Variants in OSBPL3 observed in about 807,000 individuals in gnomAD.
OSBPL3 encodes oxysterol binding protein like 3.
In OSBPL3, 65 loss-of-function variants were observed where a neutral mutation model predicts 120.1. The observed-to-expected ratio is 0.54, with a 90% CI of 0.44 to 0.67. OSBPL3 has a LOEUF of 0.67. OSBPL3 is among the 30% of genes least tolerant of loss of function. OSBPL3 has a pLI of 0.00. For synonymous variants in OSBPL3, 416 were observed against 402.6 expected (o/e 1.03, Z -0.40); for missense variants, 1,004 against 1,082.1 (o/e 0.93, Z 1.01).
intron 1 of OSBPL3, among the ~76,000 whole-genome samples, chr7:24,944,030 G>A (rs1184595129): frequency 6.9e-6 from 1 of 144,870 alleles, no homozygotes; most frequent in Admixed American, 6.9e-5. Flanking sequence ...TCCTTTCATC[G>A]GCAAAGAAAA....
intron 10 of OSBPL3, among the ~76,000 whole-genome samples, chr7:24,859,494 T>A (rs2128243484): frequency 6.6e-6 from 1 of 152,316 alleles, no homozygotes; most frequent in Non-Finnish European, 1.5e-5. Context: ...TTTTGTAACC[T>A]TACATTTTTA....
chr7:24,877,739 G>A lies in OSBPL3; in HGVS notation c.97-5670C>T, dbSNP rs1471607440. On this transcript the variant is annotated intron_variant, in intron 2 of 22. Transcript: ENST00000313367. The surrounding 1 kb of genome is among the most constrained non-coding windows in gnomAD (Gnocchi z 4.8). ...AACAAGAGGGATGTTGGTTTCTCTT[G>A]GCTAAAGGAACCAGGACTTAGGAGT... 6.6e-6 allele frequency among the ~76,000 whole-genome samples: 1 copy of A among 152,146 alleles called. No homozygotes were observed. Among genetic ancestry groups the A allele is most frequent in the Non-Finnish European group, 1.5e-5 (1 of 68,024 alleles).
rs947479753 is a variant in OSBPL3, at chr7:24,933,061, C to T, written c.-149-40440G>A. Among the ~76,000 whole-genome samples, 1 of 152,204 alleles carries T rather than the reference C, an allele frequency of 6.6e-6. No homozygotes were observed. Among genetic ancestry groups the T allele is most frequent in the Non-Finnish European group, 1.5e-5 (1 of 68,038 alleles). ...CAGGAGGAGAATGGAAGGGCTGCTG[C>T]CCAAAATAGTTTAATAAGGCCAGCA... On this transcript the variant is annotated intron_variant, in intron 1 of 22. Transcript: ENST00000313367. The surrounding 1 kb of genome is among the most constrained non-coding windows in gnomAD (Gnocchi z 5.1).
rs1584672610 is a variant in OSBPL3, at chr7:24,936,068, T to C, written c.-149-43447A>G. On this transcript the variant is annotated intron_variant, in intron 1 of 22. Transcript: ENST00000313367. This position sits in a 1 kb window ranked among gnomAD's most constrained non-coding sequence, Gnocchi z 4.2. ...ATCTTTTTTTTTTATCACCATTTAA[T>C]TCATTCTTAAGATTTCTTCTGGTTG... 6.8e-6 allele frequency among the ~76,000 whole-genome samples: 1 copy of C among 148,116 alleles called. No homozygotes were observed. Among genetic ancestry groups the C allele is most frequent in the East Asian group, 2.0e-4 (1 of 4,962 alleles).
chr7:24,894,875 T>C lies in OSBPL3; in HGVS notation c.-149-2254A>G, dbSNP rs562431309. Reference sequence around the variant, plus strand: ...ATCTCTTTGTCCTGCAGAATTTCAGTTGGGAGGCAACAGCCAGGACTTAGT... The same window carrying C: ...ATCTCTTTGTCCTGCAGAATTTCAGCTGGGAGGCAACAGCCAGGACTTAGT... On this transcript the variant is annotated intron_variant, in intron 1 of 22. Coordinates refer to ENST00000313367, the MANE Select transcript of OSBPL3 (RefSeq NM_015550.4). The surrounding 1 kb of genome is among the most constrained non-coding windows in gnomAD (Gnocchi z 4.1). Among the ~76,000 whole-genome samples, 97 of 152,306 alleles carry C rather than the reference T, an allele frequency of 6.4e-4. 1 individual carries two copies. Among genetic ancestry groups the C allele is most frequent in the African/African-American group, 2.3e-3 (97 of 41,564 alleles).
rs116897411 is a variant in OSBPL3 at position 24,907,987 on chromosome 7, G to A, written c.-149-15366C>T. Among the ~76,000 whole-genome samples, 966 of 152,280 alleles carry A rather than the reference G, an allele frequency of 6.3e-3. 7 individuals are homozygous for A. The highest frequency in any genetic ancestry group is 1.0e-2 in the Non-Finnish European group (677 of 68,014). ...CCCATAGGAGACTTCTGTCTTTACT[G>A]TTCACTGGAATCATTTGGGATTACT... is the stretch of plus-strand genomic sequence containing the variant. On this transcript the variant is annotated intron_variant, in intron 1 of 22. Coordinates refer to ENST00000313367, the MANE Select transcript of OSBPL3 (RefSeq NM_015550.4).
chr7:24,903,470 G>C (rs959591149), intron 1 of OSBPL3, among the ~76,000 whole-genome samples: 3 of 152,196 alleles, frequency 2.0e-5, no homozygotes, highest in Non-Finnish European at 4.4e-5. Context: ...GGCAGATTGG[G>C]AGAAGAAGGG....
At chr7:24,839,953 T>C (rs753536341) in intron 14 of OSBPL3, among the ~76,000 whole-genome samples, 19 of 123,512 alleles carry the variant, frequency 1.5e-4, no homozygotes, top group Non-Finnish European at 2.8e-4. Flanking sequence ...ACTGCACCAT[T>C]GTACTCCAGC....
rs745593660 is a variant in OSBPL3 at position 24,967,285 on chromosome 7, T to C, written c.-150+12601A>G. Among the ~76,000 whole-genome samples, 14 of 152,210 alleles carry C rather than the reference T, an allele frequency of 9.2e-5. No homozygotes were observed. The highest frequency in any genetic ancestry group is 9.2e-4 in the Admixed American group (14 of 15,288). ...CAATGGCCAGAGGATGAAGTAGCCA[T>C]GCACCACCCTTGGGTTCCCATGAAT... On this transcript the variant is annotated intron_variant, in intron 1 of 22. Transcript: ENST00000313367. This position sits in a 1 kb window ranked among gnomAD's most constrained non-coding sequence, Gnocchi z 5.6.
chr7:24,888,951 T>A (rs1804925771), intron 2 of OSBPL3, among the ~76,000 whole-genome samples: 1 of 152,160 alleles, frequency 6.6e-6, no homozygotes, highest in Non-Finnish European at 1.5e-5. Context: ...GCTAAGATGG[T>A]GTTTTAAGTT....
In OSBPL3 at chr7:24,980,091, C is replaced by T. The variant is rs1438317536; in HGVS notation, c.-355G>A. 4 of 981,636 alleles carry T rather than the reference C, an allele frequency of 4.1e-6. No individual in the cohort carries two copies. Among genetic ancestry groups the T allele is most frequent in the Non-Finnish European group, 3.6e-6 (3 of 826,672 alleles). 60.8% of individuals were successfully genotyped at this position (981,636 alleles called of 1,614,324 possible). On this transcript the variant is annotated 5_prime_UTR_variant, in exon 1 of 23. Coordinates refer to ENST00000313367, the MANE Select transcript of OSBPL3 (RefSeq NM_015550.4). ...GGCCGGAGCCGCGCTGCGCACCGGC[C>T]GCGAAGCGCTCAAGTCCCCTCTCCC...
Position 24,953,629 on chromosome 7 carries a change from G to C in OSBPL3, c.-150+26257C>G, listed in dbSNP as rs1471246715. Among the ~76,000 whole-genome samples, 1 of 152,176 alleles carries C rather than the reference G, an allele frequency of 6.6e-6. No individual in the cohort carries two copies. Among genetic ancestry groups the C allele is most frequent in the African/African-American group, 2.4e-5 (1 of 41,428 alleles). On this transcript the variant is annotated intron_variant, in intron 1 of 22. Coordinates refer to ENST00000313367, the MANE Select transcript of OSBPL3 (RefSeq NM_015550.4). This position sits in a 1 kb window ranked among gnomAD's most constrained non-coding sequence, Gnocchi z 4.3. ...GTGATCAAACAGTTCAGACAGGGAA[G>C]GAAGCTTACTCTAAACAGAAGCTGC... is the stretch of plus-strand genomic sequence containing the variant.
Position 24,888,829 on chromosome 7 carries a change from T to A in OSBPL3, c.96+3548A>T, listed in dbSNP as rs1804907527. 4.6e-5 allele frequency among the ~76,000 whole-genome samples: 7 copies of A among 152,146 alleles called. 1 individual carries two copies. The South Asian group carries it at 1.5e-3, about 32-fold the overall frequency. On this transcript the variant is annotated intron_variant, in intron 2 of 22. Transcript: ENST00000313367. ...AAACAAGGACAAGAGAAAATTCAGC[T>A]CCAGAAAGTGAAAGAAAACTAGTGT...
Position 24,818,530 on chromosome 7 carries a change from T to C in OSBPL3, c.1948+1645A>G, listed in dbSNP as rs1006184637. On this transcript the variant is annotated intron_variant, in intron 17 of 22. Coordinates refer to ENST00000313367, the MANE Select transcript of OSBPL3 (RefSeq NM_015550.4). This position sits in a 1 kb window ranked among gnomAD's most constrained non-coding sequence, Gnocchi z 4.0. Reference sequence around the variant, plus strand: ...ATTATTTGATGATATTAAAAATATATAACATAAATCCTAAAGTAACAACTT... The same window carrying C: ...ATTATTTGATGATATTAAAAATATACAACATAAATCCTAAAGTAACAACTT... Among the ~76,000 whole-genome samples the C allele has an allele frequency of 5.9e-5, 9 of 152,040 alleles. No individual in the cohort carries two copies. Among genetic ancestry groups the C allele is most frequent in the African/African-American group, 1.7e-4 (7 of 41,364 alleles).
At chr7:24,839,946 G>A (rs1797494801) in intron 14 of OSBPL3, among the ~76,000 whole-genome samples, 1 of 121,346 alleles carries the variant, frequency 8.2e-6, no homozygotes, top group South Asian at 2.8e-4. Flanking sequence ...AGCTAAGACT[G>A]CACCATTGTA....
rs564353429 is a variant in OSBPL3, at chr7:24,835,307, A to G, written c.1496-571T>C. Among the ~76,000 whole-genome samples, 1 of 152,156 alleles carries G rather than the reference A, an allele frequency of 6.6e-6. No homozygotes were observed. Reference sequence around the variant, plus strand: ...ATATTATTTAAAATTTTTCTAAAACATCAGTTTTTGCTCAATATCACTAAT... The same window carrying G: ...ATATTATTTAAAATTTTTCTAAAACGTCAGTTTTTGCTCAATATCACTAAT... On this transcript the variant is annotated intron_variant, in intron 14 of 22. Transcript: ENST00000313367. This position sits in a 1 kb window ranked among gnomAD's most constrained non-coding sequence, Gnocchi z 4.8.
At chr7:24,931,144 A>C (rs1343059298) in intron 1 of OSBPL3, among the ~76,000 whole-genome samples, 2 of 152,198 alleles carry the variant, frequency 1.3e-5, no homozygotes, top group Admixed American at 1.3e-4. Flanking sequence ...GGAGGTATTC[A>C]TTGTGGGGCA....
In OSBPL3 at chr7:24,806,925, A is replaced by G; in HGVS notation, c.2318-23T>C. On this transcript the variant is annotated intron_variant, in intron 20 of 22. Coordinates refer to ENST00000313367, the MANE Select transcript of OSBPL3 (RefSeq NM_015550.4). The surrounding 1 kb of genome is among the most constrained non-coding windows in gnomAD (Gnocchi z 5.2). Reference sequence around the variant, plus strand: ...GATCTAAGAAGAAAATAAATCATTCACCCCTAACTTGCATGTTACTTATGT... The same window carrying G: ...GATCTAAGAAGAAAATAAATCATTCGCCCCTAACTTGCATGTTACTTATGT... The G allele has an allele frequency of 6.3e-7, 1 of 1,582,606 alleles. No homozygotes were observed. Among genetic ancestry groups the G allele is most frequent in the Non-Finnish European group, 8.6e-7 (1 of 1,161,868 alleles).
chr7:24,863,204 A>C lies in OSBPL3; in HGVS notation c.866T>G (p.Leu289Arg), dbSNP rs763090274. Residue 289 changes from leucine to arginine, a missense_variant, in exon 9 of 23, where the codon CTG becomes CGG. Leu to Arg is a moderately radical substitution (Grantham distance 102, BLOSUM62 -2). Coordinates refer to ENST00000313367, the MANE Select transcript of OSBPL3 (RefSeq NM_015550.4). The surrounding 1 kb of genome is among the most constrained non-coding windows in gnomAD (Gnocchi z 5.8). Reference protein sequence around the residue: ...RAIGKDAKGTLQVPKPFSGPV... With the variant: ...RAIGKDAKGTRQVPKPFSGPV... Reference sequence around the variant, plus strand: ...GTCAGGGGAAGCAATGGTTACCTGCAGTGTTCCTTTAGCATCTTTGCCAAT... The same window carrying C: ...GTCAGGGGAAGCAATGGTTACCTGCCGTGTTCCTTTAGCATCTTTGCCAAT... 2.5e-6 allele frequency: 4 copies of C among 1,611,716 alleles called. No individual in the cohort carries two copies. In the South Asian group the frequency reaches 3.3e-5, roughly 13 times the overall value.
Sources: gnomAD v4.1 joint callset for allele counts (sites outside exome capture counted in the v4.1 genomes callset) on GRCh38, gnomAD v4.1.1 for gene constraint, Gnocchi (gnomAD v3.1) non-coding constraint, MANE v1.5 for transcripts, NCBI Gene and HGNC (gene_info 2026-07-23, HGNC 2026-07-21) for gene names.